UBASH3B: variants seen among roughly 807,000 people sequenced by gnomAD.
The protein encoded by UBASH3B is ubiquitin-associated and SH3 domain-containing protein B.
In UBASH3B, 37 loss-of-function variants were observed where a neutral mutation model predicts 83.4. The observed-to-expected ratio is 0.44, with a 90% CI of 0.34 to 0.58. The LOEUF is 0.58. Ranked by LOEUF, UBASH3B falls within the 20% of genes least tolerant of loss-of-function variation. The pLI is 0.01. For missense variants in UBASH3B, 657 were observed against 827.2 expected (o/e 0.79, Z 2.52); for synonymous variants, 304 against 318.3 (o/e 0.96, Z 0.48).
At chr11:122,802,176 G>A (rs1022158857) in intron 11 of UBASH3B, among the ~76,000 whole-genome samples, 38 of 152,052 alleles carry the variant, frequency 2.5e-4, no homozygotes, top group East Asian at 1.4e-3. Context: ...TTAGCTGGGC[G>A]TGGTGGCACA....
intron 1 of UBASH3B, 123 bp downstream of exon 1, chr11:122,656,333 C>A: frequency 9.6e-7 from 1 of 1,045,790 alleles, no homozygotes; most frequent in Non-Finnish European, 1.2e-6. Flanking sequence ...TGCCCGAGAC[C>A]TGTTGGGGGC....
intron 5 of UBASH3B, among the ~76,000 whole-genome samples, chr11:122,788,074 A>C (rs1281234884): frequency 6.6e-6 from 1 of 152,218 alleles, no homozygotes; most frequent in African/African-American, 2.4e-5. Flanking sequence ...AAAGAAATAA[A>C]GAATAAATAG....
At chr11:122,698,110 C>G (rs1469350599) in intron 1 of UBASH3B, among the ~76,000 whole-genome samples, 1 of 152,190 alleles carries the variant, frequency 6.6e-6, no homozygotes, top group Non-Finnish European at 1.5e-5. Context: ...GGAATGACTG[C>G]TCTGGCAAAT....
chr11:122,764,177 A>G (rs548548480), intron 1 of UBASH3B, among the ~76,000 whole-genome samples: 1 of 152,356 alleles, frequency 6.6e-6, no homozygotes, highest in South Asian at 2.1e-4. Context: ...AATATCCATG[A>G]GAAGAGGAAA....
chr11:122,657,869 G>C lies in UBASH3B; in HGVS notation c.161+1659G>C, dbSNP rs937308250. 1.1e-3 allele frequency among the ~76,000 whole-genome samples: 166 copies of C among 152,038 alleles called. 1 individual carries two copies. Among genetic ancestry groups the C allele is most frequent in the African/African-American group, 3.6e-3 (150 of 41,332 alleles). ...CGCTTCAGGTGAAGTCGTCGGTGTG[G>C]ATGATCAATGTGCACAGCTCTCCTT... On this transcript the variant is annotated intron_variant, in intron 1 of 13. Coordinates refer to ENST00000284273, the MANE Select transcript of UBASH3B (RefSeq NM_032873.5).
chr11:122,795,923 G>T (rs939800864), intron 7 of UBASH3B, among the ~76,000 whole-genome samples: 9 of 152,206 alleles, frequency 5.9e-5, no homozygotes, highest in African/African-American at 2.2e-4. Context: ...AAGAGCAGCC[G>T]TAGCAACAAT....
chr11:122,779,773 G>A, intron 4 of UBASH3B, 78 bp downstream of exon 4: 1 of 1,559,068 alleles, frequency 6.4e-7, no homozygotes, highest in Non-Finnish European at 8.8e-7. Context: ...GGAAATAGTG[G>A]TAGAGGAGCA....
chr11:122,782,551 AG>A (rs2135150667), intron 4 of UBASH3B: 2 of 153,106 alleles, frequency 1.3e-5, no homozygotes, highest in South Asian at 4.1e-4. Flanking sequence ...TGCTGTTGAG[AG>A]AAACCCTGCA....
intron 1 of UBASH3B, among the ~76,000 whole-genome samples, chr11:122,688,246 T>TCTTCCTTCC (rs904928359): frequency 9.9e-5 from 15 of 151,902 alleles, no homozygotes; most frequent in African/African-American, 3.1e-4. Context: ...TTTCTTTCTT[T>TCTTCCTTCC]CTTCCTTCCC....
intron 1 of UBASH3B, among the ~76,000 whole-genome samples, chr11:122,686,339 C>T (rs1267905824): frequency 2.0e-5 from 3 of 152,180 alleles, no homozygotes; most frequent in African/African-American, 7.2e-5. Context: ...CTGGTCAACA[C>T]GCATGGTCGA....
At chr11:122,733,688 C>G (rs139992040) in intron 1 of UBASH3B, among the ~76,000 whole-genome samples, 133 of 152,242 alleles carry the variant, frequency 8.7e-4, no homozygotes, top group Non-Finnish European at 1.5e-3. Context: ...ATGGATATGT[C>G]AACAGATTAT....
In UBASH3B at chr11:122,811,716, C is replaced by G. The variant is rs181277506; in HGVS notation, c.*1830C>G. ...TCAATCATGGTTTCTTCTAGCGTTG[C>G]GCAAACACTGACCCAGCTTCTGGGT... On this transcript the variant is annotated 3_prime_UTR_variant, in exon 14 of 14. Coordinates refer to ENST00000284273, the MANE Select transcript of UBASH3B (RefSeq NM_032873.5). The G allele has an allele frequency of 2.8e-4, 42 of 152,178 alleles. No individual in the cohort carries two copies. The highest frequency in any genetic ancestry group is 9.9e-4 in the African/African-American group (41 of 41,516). The allele number at this position is 152,178 out of a possible 1,614,324, so 9.4% of individuals were successfully genotyped here.
chr11:122,718,172 G>A (rs935548805), intron 1 of UBASH3B, among the ~76,000 whole-genome samples: 4 of 152,018 alleles, frequency 2.6e-5, no homozygotes, highest in Non-Finnish European at 4.4e-5. Flanking sequence ...TGATCCTCCC[G>A]CCTTGGCCTC....
intron 1 of UBASH3B, among the ~76,000 whole-genome samples, chr11:122,662,929 T>C (rs1321349119): frequency 6.6e-6 from 1 of 151,608 alleles, no homozygotes; most frequent in African/African-American, 2.4e-5. Flanking sequence ...TTATAACCCC[T>C]TGCACACAGC....
chr11:122,762,639 C>T (rs763332873), intron 1 of UBASH3B, among the ~76,000 whole-genome samples: 6 of 152,218 alleles, frequency 3.9e-5, no homozygotes, highest in African/African-American at 7.2e-5. Context: ...GCGTCATGTG[C>T]GCTCTTCAGT....
chr11:122,770,460 G>T (rs1860623491), intron 1 of UBASH3B, among the ~76,000 whole-genome samples: 1 of 142,354 alleles, frequency 7.0e-6, no homozygotes, highest in Non-Finnish European at 1.5e-5. Context: ...TGTCTTAAGT[G>T]TTTTTTTTTT....
chr11:122,727,030 T>C (rs1028229269), intron 1 of UBASH3B, among the ~76,000 whole-genome samples: 2 of 152,238 alleles, frequency 1.3e-5, no homozygotes, highest in Non-Finnish European at 2.9e-5. Context: ...AGGATTCCGA[T>C]TGCTAATTGT....
At chr11:122,697,665 G>A (rs1234990558) in intron 1 of UBASH3B, among the ~76,000 whole-genome samples, 1 of 152,120 alleles carries the variant, frequency 6.6e-6, no homozygotes, top group Non-Finnish European at 1.5e-5. Flanking sequence ...CTTGTCCAAT[G>A]TGAATTGTTT....
chr11:122,745,505 G>A (rs1322862034), intron 1 of UBASH3B, among the ~76,000 whole-genome samples: 1 of 152,230 alleles, frequency 6.6e-6, no homozygotes, highest in Non-Finnish European at 1.5e-5. Flanking sequence ...TTGGATGAAA[G>A]AATGGATTCC....
Sources: gnomAD v4.1 joint callset for allele counts (sites outside exome capture counted in the v4.1 genomes callset) on GRCh38, gnomAD v4.1.1 for gene constraint, MANE v1.5 for transcripts, NCBI Gene and HGNC (gene_info 2026-07-23, HGNC 2026-07-21) for gene names.